Variants in KCNMA1 observed in about 807,000 individuals in gnomAD.
KCNMA1 encodes Calcium-activated potassium channel subunit alpha-1.
Under a neutral mutation model 140.0 loss-of-function variants are expected in KCNMA1, and 29 were observed. That is an observed-to-expected ratio of 0.21 (90% CI 0.15 to 0.28). KCNMA1 has a LOEUF of 0.28. KCNMA1 is among the 10% of genes least tolerant of loss of function. The pLI, the probability that KCNMA1 is intolerant of heterozygous loss-of-function variation, is 1.00. For synonymous variants in KCNMA1, 612 were observed against 611.9 expected, an observed-to-expected ratio of 1.00 and a Z score of 0.00; for missense variants, 880 against 1,602.2, an observed-to-expected ratio of 0.55 and a Z score of 7.70.
intron 2 of KCNMA1, among the ~76,000 whole-genome samples, chr10:77,306,685 G>A (rs2060542947): frequency 6.6e-6 from 1 of 152,220 alleles, no homozygotes; most frequent in East Asian, 1.9e-4. Context: ...ATTTGACAGA[G>A]AGGGGGTGTT....
At chr10:77,298,308 T>A (rs1023149086) in intron 2 of KCNMA1, among the ~76,000 whole-genome samples, 2 of 151,806 alleles carry the variant, frequency 1.3e-5, no homozygotes, top group African/African-American at 4.8e-5. Flanking sequence ...AGTGGTGTGA[T>A]CTCGGCTCAC....
intron 14 of KCNMA1, chr10:77,063,831 C>T (rs1354228690): frequency 1.0e-6 from 1 of 985,254 alleles, no homozygotes; most frequent in Non-Finnish European, 1.2e-6. Context: ...CCCAGGTGGA[C>T]TCAGGAATGC....
intron 14 of KCNMA1, among the ~76,000 whole-genome samples, chr10:77,049,741 T>A (rs956787696): frequency 6.5e-4 from 99 of 152,308 alleles, no homozygotes; most frequent in African/African-American, 2.3e-3. Flanking sequence ...GCGTTTAGTG[T>A]TGGGGCATGA....
At chr10:77,219,529 C>T (rs61867051) in intron 3 of KCNMA1, among the ~76,000 whole-genome samples, 8,242 of 151,706 alleles carry the variant, frequency 0.054, 257 homozygotes, top group Non-Finnish European at 0.067. Context: ...TATGAGGGTA[C>T]AGAAAGTAAA....
intron 3 of KCNMA1, among the ~76,000 whole-genome samples, chr10:77,196,710 G>A (rs2040611274): frequency 2.0e-5 from 3 of 152,146 alleles, no homozygotes; most frequent in Admixed American, 1.3e-4. Flanking sequence ...CATTCTGACT[G>A]CTTAGTGCCT....
chr10:77,080,850 C>T (rs2096547430), intron 12 of KCNMA1, among the ~76,000 whole-genome samples: 1 of 152,138 alleles, frequency 6.6e-6, no homozygotes, highest in Admixed American at 6.5e-5. Context: ...AGCAGGATGA[C>T]AAATGGTTCT....
At chr10:77,018,752 T>G (rs1565573525) in intron 17 of KCNMA1, among the ~76,000 whole-genome samples, 1 of 152,198 alleles carries the variant, frequency 6.6e-6, no homozygotes, top group African/African-American at 2.4e-5. Context: ...CGAGCAGTCA[T>G]TCAGCTCTCT....
chr10:77,498,013 G>C (rs543648176), intron 1 of KCNMA1, among the ~76,000 whole-genome samples: 2 of 152,174 alleles, frequency 1.3e-5, no homozygotes, highest in African/African-American at 4.8e-5. Context: ...AACAAATCCA[G>C]TATGCCTGGA....
chr10:77,107,592 T>C (rs550187228), intron 9 of KCNMA1, among the ~76,000 whole-genome samples: 1 of 152,208 alleles, frequency 6.6e-6, no homozygotes, highest in African/African-American at 2.4e-5. Context: ...GGGTCTCTAT[T>C]GAACCTGCAC....
At chr10:77,412,010 G>T (rs2096630189) in intron 1 of KCNMA1, among the ~76,000 whole-genome samples, 1 of 152,206 alleles carries the variant, frequency 6.6e-6, no homozygotes, top group African/African-American at 2.4e-5. Flanking sequence ...AAGAGGCTGA[G>T]CTCTGCCGGG....
Position 77,434,164 on chromosome 10 carries a change from A to G in KCNMA1, c.379-30141T>C, listed in dbSNP as rs540509023. On this transcript the variant is annotated intron_variant, in intron 1 of 27. Coordinates refer to ENST00000286628, the MANE Select transcript of KCNMA1 (RefSeq NM_001161352.2). ...CTAACTACAAGCTCAGGCCAGCGCTACAGCCTGCTGACCACTGGCAAGGGG... is the reference window on the plus strand; with the variant it reads ...CTAACTACAAGCTCAGGCCAGCGCTGCAGCCTGCTGACCACTGGCAAGGGG... Among the ~76,000 whole-genome samples, 357 of 152,332 alleles carry G rather than the reference A, an allele frequency of 2.3e-3. 2 individuals are homozygous for G. Among genetic ancestry groups the G allele is most frequent in the African/African-American group, 8.0e-3 (332 of 41,574 alleles).
intron 20 of KCNMA1, among the ~76,000 whole-genome samples, chr10:76,965,942 C>G (rs1257448370): frequency 2.0e-5 from 3 of 152,226 alleles, no homozygotes; most frequent in Non-Finnish European, 4.4e-5. Context: ...ACAGCTCTTT[C>G]TATTCTCACA....
At chr10:77,408,040 C>T (rs2096528508) in intron 1 of KCNMA1, among the ~76,000 whole-genome samples, 1 of 152,170 alleles carries the variant, frequency 6.6e-6, no homozygotes, top group Admixed American at 6.5e-5. Flanking sequence ...GACCACCACC[C>T]AGGACAGCTG....
chr10:77,288,828 T>G (rs2072031029), intron 2 of KCNMA1, among the ~76,000 whole-genome samples: 1 of 152,174 alleles, frequency 6.6e-6, no homozygotes, highest in Non-Finnish European at 1.5e-5. Context: ...TTTAACAAGC[T>G]TTTTTTGAGA....
At chr10:77,092,632 A>T (rs910071360) in intron 9 of KCNMA1, among the ~76,000 whole-genome samples, 3 of 152,204 alleles carry the variant, frequency 2.0e-5, no homozygotes, top group Admixed American at 2.0e-4. Context: ...ATTTATTCCC[A>T]TTCAGTGCAG....
chr10:76,993,406 A>C (rs2083316842), intron 19 of KCNMA1, among the ~76,000 whole-genome samples: 1 of 152,188 alleles, frequency 6.6e-6, no homozygotes, highest in Admixed American at 6.5e-5. Flanking sequence ...AGGAATCACA[A>C]TGGCTGCCAG....
intron 25 of KCNMA1, among the ~76,000 whole-genome samples, chr10:76,897,478 C>A (rs925984848): frequency 6.6e-6 from 1 of 151,926 alleles, no homozygotes; most frequent in Non-Finnish European, 1.5e-5. Flanking sequence ...TTTGACAGGA[C>A]ACATTTGTTC....
intron 19 of KCNMA1, chr10:76,980,299 GCTT>G (rs1352369631): frequency 1.3e-5 from 2 of 152,238 alleles, no homozygotes; most frequent in Admixed American, 1.3e-4. Context: ...GAGGATATGA[GCTT>G]CTTGAGTCAG....
At chr10:77,543,236 C>A (rs969865317) in intron 1 of KCNMA1, among the ~76,000 whole-genome samples, 22 of 152,202 alleles carry the variant, frequency 1.4e-4, no homozygotes, top group African/African-American at 5.3e-4. Context: ...AAGGAGCACA[C>A]AGCTCTGAGT....
Sources: gnomAD v4.1 joint callset for allele counts (sites outside exome capture counted in the v4.1 genomes callset) on GRCh38, gnomAD v4.1.1 for gene constraint, MANE v1.5 for transcripts, NCBI Gene and HGNC (gene_info 2026-07-23, HGNC 2026-07-21) for gene names.